ARHGAP8: variants seen among roughly 807,000 people sequenced by gnomAD.
The protein encoded by ARHGAP8 is rho GTPase-activating protein 8.
In ARHGAP8, 62 loss-of-function variants were observed where a neutral mutation model predicts 46.1. The observed-to-expected ratio is 1.34, with a 90% confidence interval of 1.10 to 1.66. The LOEUF (loss-of-function observed/expected upper bound fraction) is 1.66. Ranked by LOEUF, ARHGAP8 falls within the 40% of genes most tolerant of loss-of-function variation. The pLI is 0.00. For missense variants in ARHGAP8, 923 were observed against 568.4 expected, an observed-to-expected ratio of 1.62 and a Z score of -6.34; for synonymous variants, 375 against 243.1, an observed-to-expected ratio of 1.54 and a Z score of -5.05.
chr22:44,814,755 T>A lies in ARHGAP8; in HGVS notation c.383T>A (p.Ile128Asn). Residue 128 changes from isoleucine to asparagine, a missense_variant, in exon 5 of 12, where the codon ATC (isoleucine) becomes AAC (asparagine). Physicochemically the swap from Ile to Asn is moderately radical, Grantham distance 149. Transcript: ENST00000356099. The stretch of plus-strand genomic sequence containing the variant: ...CTGTGGAACATCTTGAAGCCCCTCA[T>A]CAGGTATGCGTCACTCTGGGAGAGG... ...KVLWNILKPL[I>N]SHKFGKKVIY... 3.1e-6 allele frequency: 5 copies of A among 1,613,896 alleles called. No individual in the cohort carries two copies. Among genetic ancestry groups the A allele is most frequent in the Non-Finnish European group, 4.2e-6 (5 of 1,179,898 alleles).
chr22:44,811,274 C>G (rs1165375478), intron 4 of ARHGAP8, among the ~76,000 whole-genome samples: 1 of 152,208 alleles, frequency 6.6e-6, no homozygotes, highest in Non-Finnish European at 1.5e-5. Context: ...GTGTTGCCAG[C>G]AGTGACCTGT....
At chr22:44,805,578 C>G (rs1441193873) in intron 3 of ARHGAP8, among the ~76,000 whole-genome samples, 1 of 152,168 alleles carries the variant, frequency 6.6e-6, no homozygotes, top group African/African-American at 2.4e-5. Flanking sequence ...CTTCCATGAA[C>G]AGTTGTATAG....
intron 7 of ARHGAP8, among the ~76,000 whole-genome samples, chr22:44,832,258 G>A (rs1602239548): frequency 8.2e-6 from 1 of 121,720 alleles, no homozygotes; most frequent in African/African-American, 3.2e-5. Context: ...ACAGAGTCTT[G>A]CCCTGTTGCC....
At chr22:44,826,067 C>T (rs1930501466) in intron 7 of ARHGAP8, among the ~76,000 whole-genome samples, 1 of 152,042 alleles carries the variant, frequency 6.6e-6, no homozygotes. Flanking sequence ...CACTTCCCAC[C>T]ACCTTCAAGG....
At chr22:44,796,188 G>C (rs1193586258) in intron 2 of ARHGAP8, among the ~76,000 whole-genome samples, 1 of 152,198 alleles carries the variant, frequency 6.6e-6, no homozygotes, top group Non-Finnish European at 1.5e-5. Flanking sequence ...AGCAGACGCT[G>C]TTCTGCTCCC....
intron 11 of ARHGAP8, 150 bp from the exon 12 acceptor site, chr22:44,862,125 G>GGCT (rs1441592811): frequency 4.5e-6 from 4 of 891,372 alleles, no homozygotes; most frequent in Non-Finnish European, 6.4e-6. Context: ...GTGGGCAGGT[G>GGCT]GCTGCACAGG....
intron 7 of ARHGAP8, among the ~76,000 whole-genome samples, chr22:44,828,741 C>T (rs1409392732): frequency 3.3e-5 from 5 of 151,954 alleles, no homozygotes; most frequent in Admixed American, 3.3e-4. Flanking sequence ...AGCCAGCACA[C>T]CTAGCCCGGG....
chr22:44,810,558 G>A (rs561028823), intron 4 of ARHGAP8, among the ~76,000 whole-genome samples: 59 of 152,300 alleles, frequency 3.9e-4, no homozygotes, highest in African/African-American at 1.2e-3. Context: ...TTTATTAAGC[G>A]TTAGATGGGA....
chr22:44,836,911 C>A (rs1264254294), intron 7 of ARHGAP8, among the ~76,000 whole-genome samples: 1 of 152,202 alleles, frequency 6.6e-6, no homozygotes. Context: ...CAGAGGCTCA[C>A]TCTGTCACCC....
At chr22:44,778,828 C>T (rs1030807912) in intron 1 of ARHGAP8, among the ~76,000 whole-genome samples, 4 of 152,066 alleles carry the variant, frequency 2.6e-5, no homozygotes, top group African/African-American at 9.7e-5. Flanking sequence ...CATTTCTGCC[C>T]CCAGTTCTAA....
intron 2 of ARHGAP8, among the ~76,000 whole-genome samples, chr22:44,797,707 G>A (rs539277598): frequency 6.6e-6 from 1 of 152,340 alleles, no homozygotes; most frequent in East Asian, 1.9e-4. Flanking sequence ...CAGCCCCCTG[G>A]CCAGGCAGCC....
intron 1 of ARHGAP8, among the ~76,000 whole-genome samples, chr22:44,755,409 C>T (rs566853125): frequency 6.6e-6 from 1 of 152,358 alleles, no homozygotes; most frequent in East Asian, 1.9e-4. Context: ...TAGACGTTTT[C>T]CATTTCTTTC....
chr22:44,790,773 C>T (rs1569146687), intron 2 of ARHGAP8, among the ~76,000 whole-genome samples: 2 of 147,562 alleles, frequency 1.4e-5, no homozygotes, highest in Admixed American at 1.3e-4. Flanking sequence ...TGCACTCTCT[C>T]CCAGGCTGGA....
chr22:44,799,422 G>A (rs1928326462), intron 2 of ARHGAP8, among the ~76,000 whole-genome samples: 1 of 152,218 alleles, frequency 6.6e-6, no homozygotes, highest in East Asian at 1.9e-4. Flanking sequence ...GCAGAGGTGG[G>A]GTTTAGTGGG....
Position 44,848,816 on chromosome 22 carries a change from C to G in ARHGAP8, c.749-116C>G, listed in dbSNP as rs558162188. 13 of 1,542,494 alleles carry G rather than the reference C, an allele frequency of 8.4e-6. No homozygotes were observed. In the African/African-American group the frequency reaches 1.6e-4, roughly 19 times the overall value. Reference sequence around the variant, plus strand: ...AGCATCATCCCTAGGACACATGGCTCCAGCATCAGGTGCGTCCCATCCGGA... The same window carrying G: ...AGCATCATCCCTAGGACACATGGCTGCAGCATCAGGTGCGTCCCATCCGGA... On this transcript the variant is annotated intron_variant, in intron 9 of 11. Coordinates refer to ENST00000356099, the MANE Select transcript of ARHGAP8 (RefSeq NM_181335.3).
chr22:44,857,136 C>G lies in ARHGAP8; in HGVS notation c.878-2595C>G, dbSNP rs1025752628. ...TGTATTTTTAGTAGAGATGGGGTTT[C>G]TGCATGTTGGTCAGGCTGGTCTCAA... On this transcript the variant is annotated intron_variant, in intron 10 of 11. Transcript: ENST00000356099. Among the ~76,000 whole-genome samples, 19 of 144,382 alleles carry G rather than the reference C, an allele frequency of 1.3e-4. 1 individual carries two copies. Among genetic ancestry groups the G allele is most frequent in the Non-Finnish European group, 2.3e-4 (15 of 66,630 alleles). The allele number at this position is 144,382 out of a possible 152,430, so 94.7% of individuals were successfully genotyped here.
At chr22:44,808,165 G>A (rs1008348925) in intron 3 of ARHGAP8, 142 bp from the exon 4 acceptor site, 83 of 1,287,688 alleles carry the variant, frequency 6.4e-5, no homozygotes, top group African/African-American at 3.3e-4. Context: ...AATGAGGACC[G>A]GGGCCCACGG....
intron 1 of ARHGAP8, among the ~76,000 whole-genome samples, chr22:44,783,740 C>T (rs1425989036): frequency 6.6e-6 from 1 of 152,200 alleles, no homozygotes; most frequent in Non-Finnish European, 1.5e-5. Context: ...AAGGTGTTTC[C>T]TGGGCTGAGG....
chr22:44,762,543 C>CTTT (rs11293128), intron 1 of ARHGAP8, among the ~76,000 whole-genome samples: 5 of 120,320 alleles, frequency 4.2e-5, no homozygotes, highest in Admixed American at 8.5e-5. Flanking sequence ...CTCTCTCTCT[C>CTTT]TTTTTTTTTT....
Sources: allele counts gnomAD v4.1 joint callset (sites outside exome capture counted in the v4.1 genomes callset), GRCh38; gene constraint gnomAD v4.1.1; transcripts MANE v1.5; gene names NCBI Gene and HGNC (gene_info 2026-07-23, HGNC 2026-07-21).